Variants in KCNJ6 observed in about 807,000 individuals in gnomAD.
The protein encoded by KCNJ6 is G protein-activated inward rectifier potassium channel 2.
In KCNJ6, 9 loss-of-function variants were observed where a neutral mutation model predicts 34.2. The ratio of observed to expected loss-of-function variants is 0.26; its 90% CI spans 0.16 to 0.46. The LOEUF is 0.46. Ranked by LOEUF, KCNJ6 falls within the 20% of genes least tolerant of loss-of-function variation. The pLI, the probability that KCNJ6 is intolerant of heterozygous loss-of-function variation, is 1.00. For missense variants in KCNJ6, 236 were observed against 531.3 expected (o/e 0.44, Z 5.46); for synonymous variants, 196 against 207.1 (o/e 0.95, Z 0.46).
intron 3 of KCNJ6, among the ~76,000 whole-genome samples, chr21:37,677,059 C>T (rs1019539226): frequency 6.6e-6 from 1 of 152,204 alleles, no homozygotes; most frequent in African/African-American, 2.4e-5. Flanking sequence ...TCTAACTGTC[C>T]AGTGGCAGAA....
intron 1 of KCNJ6, among the ~76,000 whole-genome samples, chr21:37,874,878 A>G (rs1449824647): frequency 6.6e-6 from 1 of 152,070 alleles, no homozygotes; most frequent in Non-Finnish European, 1.5e-5. Flanking sequence ...CCAAGCCACC[A>G]TCTCTGCAAT....
chr21:37,723,913 A>G (rs1439175417), intron 2 of KCNJ6, among the ~76,000 whole-genome samples: 1 of 152,028 alleles, frequency 6.6e-6, no homozygotes, highest in African/African-American at 2.4e-5. Context: ...CTAAAATACA[A>G]ATTGACTGAT....
At chr21:37,865,983 A>G (rs1372167195) in intron 1 of KCNJ6, among the ~76,000 whole-genome samples, 1 of 152,208 alleles carries the variant, frequency 6.6e-6, no homozygotes, top group Non-Finnish European at 1.5e-5. Context: ...AAAAAAAATC[A>G]TATCAGGAAA....
rs565121259 is a variant in KCNJ6 at position 37,726,157 on chromosome 21, C to T, written c.26-11026G>A. 3.8e-4 allele frequency among the ~76,000 whole-genome samples: 58 copies of T among 152,252 alleles called. 2 individuals carry two copies. In the South Asian group the frequency reaches 9.1e-3, roughly 24 times the overall value. On this transcript the variant is annotated intron_variant, in intron 2 of 3. Coordinates refer to ENST00000609713, the MANE Select transcript of KCNJ6 (RefSeq NM_002240.5). Reference sequence around the variant, plus strand: ...CTGACCTCAGGTGATCCACCCCCCTCGTCCTTCCAAAGTGCTGGGATTACA... The same window carrying T: ...CTGACCTCAGGTGATCCACCCCCCTTGTCCTTCCAAAGTGCTGGGATTACA...
At chr21:37,892,369 T>C (rs1195435979) in intron 1 of KCNJ6, among the ~76,000 whole-genome samples, 3 of 152,218 alleles carry the variant, frequency 2.0e-5, no homozygotes, top group Non-Finnish European at 2.9e-5. Flanking sequence ...TTAATAGTTA[T>C]TACAAAATAT....
intron 3 of KCNJ6, among the ~76,000 whole-genome samples, chr21:37,678,815 C>A (rs1035390633): frequency 6.6e-6 from 1 of 152,148 alleles, no homozygotes; most frequent in Non-Finnish European, 1.5e-5. Context: ...GCTGTTGGAG[C>A]CAGTCTGAGG....
chr21:37,877,198 A>C (rs748848844), intron 1 of KCNJ6, among the ~76,000 whole-genome samples: 5 of 152,202 alleles, frequency 3.3e-5, no homozygotes, highest in Non-Finnish European at 5.9e-5. Flanking sequence ...TGATTTAATC[A>C]CAGTGATAAA....
chr21:37,620,878 TA>T lies in KCNJ6; in HGVS notation c.*4280del, dbSNP rs2054287962. The T allele has an allele frequency of 6.6e-6, 1 of 152,250 alleles. No homozygotes were observed. The highest frequency in any genetic ancestry group is 2.4e-5 in the African/African-American group (1 of 41,462). The allele number at this position is 152,250 out of a possible 1,614,324, so 9.4% of individuals were successfully genotyped here. A position where few individuals can be genotyped will look rare whatever the true frequency, so the allele number is the denominator to read the frequency against. ...AGCCTTCTGACAGAATTTTGACTTC[TA>T]GATGACACTCTGCATCTAAAGCACT... On this transcript the variant is annotated 3_prime_UTR_variant, in exon 4 of 4. Transcript: ENST00000609713.
chr21:37,912,038 G>A (rs895321694), intron 1 of KCNJ6, among the ~76,000 whole-genome samples: 8 of 152,108 alleles, frequency 5.3e-5, no homozygotes, highest in Non-Finnish European at 1.2e-4. Flanking sequence ...GTTCATGTAA[G>A]TCCTATGTAT....
Position 37,612,170 on chromosome 21 carries a change from A to G in KCNJ6, c.*12989T>C, listed in dbSNP as rs1031622786. 2 of 152,252 alleles carry G rather than the reference A, an allele frequency of 1.3e-5. No homozygotes were observed. The highest frequency in any genetic ancestry group is 4.8e-5 in the African/African-American group (2 of 41,470). 9.4% of individuals were successfully genotyped at this position (152,252 alleles called of 1,614,324 possible). ...TAAGGGATTATAGCAAGATTTTAGG[A>G]TTCAAAGTTAATATACAAAGTCAAT... On this transcript the variant is annotated 3_prime_UTR_variant, in exon 4 of 4. Coordinates refer to ENST00000609713, the MANE Select transcript of KCNJ6 (RefSeq NM_002240.5).
intron 2 of KCNJ6, among the ~76,000 whole-genome samples, chr21:37,758,766 G>T (rs1023238091): frequency 4.9e-4 from 74 of 152,102 alleles, no homozygotes; most frequent in African/African-American, 1.7e-3. Context: ...AGCCTCCCAG[G>T]ACCACAGGTA....
intron 3 of KCNJ6, among the ~76,000 whole-genome samples, chr21:37,632,371 A>G (rs762597229): frequency 6.6e-6 from 1 of 152,110 alleles, no homozygotes; most frequent in Non-Finnish European, 1.5e-5. Flanking sequence ...TAAAGGGCAT[A>G]TAGAAAGTAA....
chr21:37,825,100 G>A (rs1042821864), intron 2 of KCNJ6, among the ~76,000 whole-genome samples: 1 of 152,114 alleles, frequency 6.6e-6, no homozygotes, highest in African/African-American at 2.4e-5. Flanking sequence ...GGGTCCACCT[G>A]GATGATGTGG....
chr21:37,900,796 C>T (rs1475150211), intron 1 of KCNJ6, among the ~76,000 whole-genome samples: 4 of 152,016 alleles, frequency 2.6e-5, no homozygotes. Context: ...CAGCAAGGTG[C>T]GTGAAGAGCA....
At chr21:37,658,818 C>T (rs940579316) in intron 3 of KCNJ6, among the ~76,000 whole-genome samples, 5 of 152,152 alleles carry the variant, frequency 3.3e-5, no homozygotes, top group African/African-American at 9.7e-5. Context: ...TGGCCAGTAG[C>T]GGAGCCCAGG....
chr21:37,843,784 T>C (rs1029781049), intron 1 of KCNJ6, among the ~76,000 whole-genome samples: 4 of 152,092 alleles, frequency 2.6e-5, no homozygotes, highest in Admixed American at 2.6e-4. Context: ...AGGGAGCTGA[T>C]CTCTTTCCCT....
Position 37,656,564 on chromosome 21 carries a change from C to A in KCNJ6, c.947-31080G>T, listed in dbSNP as rs149258476. Among the ~76,000 whole-genome samples, 655 of 152,312 alleles carry A rather than the reference C, an allele frequency of 4.3e-3. 4 individuals carry two copies. The highest frequency in any genetic ancestry group is 5.4e-3 in the Non-Finnish European group (370 of 68,022). On this transcript the variant is annotated intron_variant, in intron 3 of 3. Transcript: ENST00000609713. ...CCTCCCTTGCCCGCTCCTCTCCCAG[C>A]CTCCCCATGGCTCTGCAGCCCTGCA...
chr21:37,907,226 C>T (rs527969174), intron 1 of KCNJ6, among the ~76,000 whole-genome samples: 3 of 152,324 alleles, frequency 2.0e-5, no homozygotes, highest in South Asian at 2.1e-4. Flanking sequence ...GTCCTGTACC[C>T]TTCCTCTTAG....
At chr21:37,677,346 G>A (rs544926720) in intron 3 of KCNJ6, among the ~76,000 whole-genome samples, 1 of 152,260 alleles carries the variant, frequency 6.6e-6, no homozygotes, top group African/African-American at 2.4e-5. Context: ...TCCATCCAGA[G>A]ATCAACTTGG....
Sources: gnomAD v4.1 joint callset for allele counts (sites outside exome capture counted in the v4.1 genomes callset) on GRCh38, gnomAD v4.1.1 for gene constraint, MANE v1.5 for transcripts, NCBI Gene and HGNC (gene_info 2026-07-23, HGNC 2026-07-21) for gene names.